DDX42: variants seen among roughly 807,000 people sequenced by gnomAD.
DDX42 encodes DEAD-box helicase 42, also known as ATP-dependent RNA helicase DDX42.
A neutral mutation model predicts 101.5 loss-of-function variants in DDX42; 22 were observed. The ratio of observed to expected loss-of-function variants is 0.22; its 90% CI spans 0.15 to 0.31. The LOEUF (loss-of-function observed/expected upper bound fraction) is 0.31, where lower values mean the gene tolerates loss of function less well. DDX42 is among the 10% of genes least tolerant of loss of function. The pLI is 1.00. For missense variants in DDX42, 849 were observed against 1,199.9 expected, an observed-to-expected ratio of 0.71 and a Z score of 4.32; for synonymous variants, 402 against 401.2, an observed-to-expected ratio of 1.00 and a Z score of -0.02.
At position 63,816,985 on chromosome 17, in the gene DDX42, A is replaced by G; in HGVS notation, c.2112+19A>G. The G allele has an allele frequency of 6.2e-7, 1 of 1,606,904 alleles. No individual in the cohort carries two copies. The highest frequency in any genetic ancestry group is 8.5e-7 in the Non-Finnish European group (1 of 1,174,656). ...TTTCCAGGTCTGAAATAAGCATTTC[A>G]TTAAAAGCACTTTCAGCAGTAACTC... On this transcript the variant is annotated intron_variant, in intron 17 of 17. Transcript: ENST00000389924.
chr17:63,802,141 T>C (rs2584633), intron 6 of DDX42, among the ~76,000 whole-genome samples: 48,915 of 152,046 alleles, frequency 0.32, 8,598 homozygotes, highest in South Asian at 0.58. Flanking sequence ...GGCACCAAAC[T>C]GTTCTAGTAG....
chr17:63,777,653 T>A (rs1186327061), intron 1 of DDX42, among the ~76,000 whole-genome samples: 1 of 151,910 alleles, frequency 6.6e-6, no homozygotes, highest in Non-Finnish European at 1.5e-5. Flanking sequence ...TTTCAGCATG[T>A]TAGCCAGGAT....
In DDX42 at chr17:63,815,430, C is replaced by T. The variant is rs2039965133; in HGVS notation, c.1903-133C>T. On this transcript the variant is annotated intron_variant, in intron 15 of 17. Transcript: ENST00000389924. ...CAATCTGTGGTTCCTGTGAAAATTCCTCCCTTAGCGTAGTGCTGGCTGAAA... is the reference window on the plus strand; with the variant it reads ...CAATCTGTGGTTCCTGTGAAAATTCTTCCCTTAGCGTAGTGCTGGCTGAAA... 1.2e-5 allele frequency: 7 copies of T among 568,334 alleles called. No individual in the cohort carries two copies. The South Asian group carries it at 1.5e-4, about 12-fold the overall frequency. 35.2% of individuals were successfully genotyped at this position (568,334 alleles called of 1,614,324 possible).
At chr17:63,787,826 G>A (rs2039565415) in intron 2 of DDX42, among the ~76,000 whole-genome samples, 1 of 151,306 alleles carries the variant, frequency 6.6e-6, no homozygotes, top group South Asian at 2.1e-4. Flanking sequence ...GGGCGACAGA[G>A]CAAGACTCCC....
rs765897630 is a variant in DDX42 at position 63,813,397 on chromosome 17, G to A, written c.1845G>A (p.Arg615=). The change falls in exon 15 of 18, where the codon CGG becomes CGA. Residue 615 remains arginine (R), a synonymous_variant. Transcript: ENST00000389924. The part of the protein sequence containing the change: ...KDSNFAGDLV[R]NLEGANQHVS... Reference sequence around the variant, plus strand: ...GCAATTTTGCTGGTGACCTGGTCCGGAACTTGGAAGGAGCCAATCAACACG... The same window carrying A: ...GCAATTTTGCTGGTGACCTGGTCCGAAACTTGGAAGGAGCCAATCAACACG... 2.5e-6 allele frequency: 4 copies of A among 1,614,178 alleles called. No individual in the cohort carries two copies. Among genetic ancestry groups the A allele is most frequent in the Middle Eastern group, 1.6e-4 (1 of 6,062 alleles).
rs755098948 is a variant in DDX42, at chr17:63,809,607, A to C, written c.1200A>C (p.Arg400Ser). Reference protein sequence around the residue: ...HVKKKATNLQRVSYLVFDEAD... With the variant: ...HVKKKATNLQSVSYLVFDEAD... ...AAAAGAAAGCTACCAATCTTCAAAGAGTCTCTTACCTTGTGTTTGATGAAG... is the reference window on the plus strand; with the variant it reads ...AAAAGAAAGCTACCAATCTTCAAAGCGTCTCTTACCTTGTGTTTGATGAAG... Residue 400 changes from arginine (R) to serine (S), a missense_variant, in exon 11 of 18, where the codon AGA becomes AGC. Arg to Ser is a moderately radical substitution (Grantham distance 110). Coordinates refer to ENST00000389924, the MANE Select transcript of DDX42 (RefSeq NM_203499.3). The C allele has an allele frequency of 6.2e-7, 1 of 1,614,132 alleles. No homozygotes were observed. Among genetic ancestry groups the C allele is most frequent in the Non-Finnish European group, 8.5e-7 (1 of 1,180,002 alleles).
In DDX42 at chr17:63,817,583, C is replaced by T. The variant is rs1330955808; in HGVS notation, c.2113-111C>T. The T allele has an allele frequency of 4.8e-6, 5 of 1,052,142 alleles. No homozygotes were observed. The Admixed American group carries it at 7.6e-5, about 16-fold the overall frequency. 65.2% of individuals were successfully genotyped at this position (1,052,142 alleles called of 1,614,324 possible). ...TGGGGCCATCAGGACACTAAACTCA[C>T]AGTGCCAGGATAGCACAGAGTTTCT... On this transcript the variant is annotated intron_variant, in intron 17 of 17. Coordinates refer to ENST00000389924, the MANE Select transcript of DDX42 (RefSeq NM_203499.3).
chr17:63,808,049 G>A, intron 9 of DDX42, 149 bp downstream of exon 9: 1 of 709,612 alleles, frequency 1.4e-6, no homozygotes, highest in Non-Finnish European at 2.2e-6. Flanking sequence ...TTAATGTACA[G>A]TTCAGTGGCA....
At position 63,792,462 on chromosome 17, in the gene DDX42, T is replaced by C; in HGVS notation, c.272T>C (p.Ile91Thr). 6.2e-7 allele frequency: 1 copy of C among 1,613,826 alleles called. No homozygotes were observed. The highest frequency in any genetic ancestry group is 8.5e-7 in the Non-Finnish European group (1 of 1,179,872). Residue 91 changes from isoleucine to threonine, a missense_variant, in exon 3 of 18, where the codon ATT becomes ACT. Transcript: ENST00000389924. Reference protein sequence around the residue: ...EDSSNVDLPYIPAENSPTRQQ... With the variant: ...EDSSNVDLPYTPAENSPTRQQ... ...TCTAGCAACGTTGATTTACCTTACA[T>C]TCCTGCTGAAAACTCACCAACTCGC...
rs752269401 is a variant in DDX42 at position 63,798,119 on chromosome 17, C to T, written c.434+20C>T. 1.7e-5 allele frequency: 28 copies of T among 1,610,706 alleles called. 1 individual carries two copies. The Admixed American group carries it at 3.2e-4, about 18-fold the overall frequency. On this transcript the variant is annotated intron_variant, in intron 4 of 17. Coordinates refer to ENST00000389924, the MANE Select transcript of DDX42 (RefSeq NM_203499.3). Reference sequence around the variant, plus strand: ...CGTAAAGTAAGTTGTTTTCTTCTCCCTCACAAAGGTTACGTGAAAACTGCT... The same window carrying T: ...CGTAAAGTAAGTTGTTTTCTTCTCCTTCACAAAGGTTACGTGAAAACTGCT...
At position 63,810,480 on chromosome 17, in the gene DDX42, G is replaced by T. The variant is rs558951152; in HGVS notation, c.1253-33G>T. ...CCAGGCTTCCCAAACTGTATTTCAG[G>T]TTATAATAATTTTATTGTTCTGTTT... On this transcript the variant is annotated intron_variant, in intron 11 of 17. Transcript: ENST00000389924. 7.5e-6 allele frequency: 12 copies of T among 1,610,004 alleles called. No individual in the cohort carries two copies. The South Asian group carries it at 1.3e-4, about 18-fold the overall frequency.
chr17:63,794,788 T>C (rs1156610890), intron 3 of DDX42, among the ~76,000 whole-genome samples: 3 of 151,572 alleles, frequency 2.0e-5, no homozygotes, highest in Admixed American at 1.3e-4. Context: ...CAAAAAAAAT[T>C]AGCCAGGCAT....
At chr17:63,817,407 G>T in intron 17 of DDX42, 3 of 344,596 alleles carry the variant, frequency 8.7e-6, no homozygotes, top group Non-Finnish European at 1.6e-5. Context: ...GAACTTTTTG[G>T]TTTTGAATGC....
chr17:63,810,314 C>A, intron 11 of DDX42, 199 bp from the exon 12 acceptor site: 1 of 332,138 alleles, frequency 3.0e-6, no homozygotes, highest in Non-Finnish European at 5.5e-6. Context: ...AGGCTGCGAA[C>A]TCCTGACCTC....
At chr17:63,780,258 T>G (rs1302716217) in intron 1 of DDX42, among the ~76,000 whole-genome samples, 1 of 151,198 alleles carries the variant, frequency 6.6e-6, no homozygotes, top group African/African-American at 2.4e-5. Flanking sequence ...ATTGCGCCAT[T>G]GCACTCCAGC....
chr17:63,796,507 G>A (rs1444404198), intron 3 of DDX42, among the ~76,000 whole-genome samples: 1 of 152,208 alleles, frequency 6.6e-6, no homozygotes, highest in African/African-American at 2.4e-5. Flanking sequence ...GTAGAGACAG[G>A]GTTTCTCCAT....
chr17:63,804,359 A>G (rs1213148534), intron 6 of DDX42, among the ~76,000 whole-genome samples: 1 of 152,172 alleles, frequency 6.6e-6, no homozygotes, highest in Non-Finnish European at 1.5e-5. Context: ...TACCTACTAC[A>G]CTAAGCTATG....
intron 3 of DDX42, among the ~76,000 whole-genome samples, chr17:63,796,337 T>G (rs1161608184): frequency 6.6e-6 from 1 of 152,166 alleles, no homozygotes; most frequent in Non-Finnish European, 1.5e-5. Flanking sequence ...GGAATGGAGC[T>G]TCACCCTTGT....
chr17:63,783,913 A>C (rs949345124), intron 1 of DDX42, among the ~76,000 whole-genome samples: 13 of 152,090 alleles, frequency 8.5e-5, no homozygotes, highest in African/African-American at 2.9e-4. Flanking sequence ...AAATACAAAA[A>C]ATTAGCTGAG....
Sources: allele counts gnomAD v4.1 joint callset (sites outside exome capture counted in the v4.1 genomes callset), GRCh38; gene constraint gnomAD v4.1.1; transcripts MANE v1.5; gene names NCBI Gene and HGNC (gene_info 2026-07-23, HGNC 2026-07-21).